The following NRXN1 variants were observed in gnomAD, a reference collection of about 807,000 sequenced individuals.
NRXN1 encodes neurexin-1.
Under a neutral mutation model 150.9 loss-of-function variants are expected in NRXN1, and 39 were observed. The observed-to-expected ratio is 0.26, with a 90% confidence interval of 0.20 to 0.34. The LOEUF is 0.34. NRXN1 is among the 10% of genes least tolerant of loss of function. The pLI is 1.00. For synonymous variants in NRXN1, 924 were observed against 757.0 expected (o/e 1.22, Z -3.62); for missense variants, 1,815 against 1,949.9 (o/e 0.93, Z 1.30).
chr2:50,939,358 G>T (rs769687283), intron 2 of NRXN1, among the ~76,000 whole-genome samples: 7 of 151,488 alleles, frequency 4.6e-5, no homozygotes, highest in Non-Finnish European at 8.8e-5. Flanking sequence ...TATTTAGTAA[G>T]TTAACAATGA....
At chr2:50,939,027 T>C (rs1033630368) in intron 2 of NRXN1, among the ~76,000 whole-genome samples, 4 of 151,894 alleles carry the variant, frequency 2.6e-5, no homozygotes, top group Admixed American at 2.0e-4. Flanking sequence ...CTGGTTAACA[T>C]GGTGAAACCC....
intron 5 of NRXN1, among the ~76,000 whole-genome samples, chr2:50,816,189 AG>A (rs1176688533): frequency 6.6e-6 from 1 of 152,206 alleles, no homozygotes; most frequent in Non-Finnish European, 1.5e-5. Context: ...AAGTCATATT[AG>A]AAAATATTAG....
chr2:50,184,980 T>A (rs1267544213), intron 18 of NRXN1, among the ~76,000 whole-genome samples: 1 of 152,064 alleles, frequency 6.6e-6, no homozygotes, highest in African/African-American at 2.4e-5. Flanking sequence ...GTAGGTGGCC[T>A]CCCCTCTTCA....
rs563953996 is a variant in NRXN1 at position 50,429,585 on chromosome 2, G to T, written c.3364+35857C>A. Among the ~76,000 whole-genome samples the T allele has an allele frequency of 4.6e-5, 7 of 152,120 alleles. No homozygotes were observed. In the South Asian group the frequency reaches 1.5e-3, roughly 32 times the overall value. On this transcript the variant is annotated intron_variant, in intron 17 of 22. Coordinates refer to ENST00000401669, the MANE Select transcript of NRXN1 (RefSeq NM_001330078.2). ...ATATTCTCAAAATTTTAATTTTGAA[G>T]AAAATAAAAATAGATCCAAGAGAAA...
intron 21 of NRXN1, among the ~76,000 whole-genome samples, chr2:49,947,284 G>A (rs1673076314): frequency 6.6e-6 from 1 of 151,998 alleles, no homozygotes; most frequent in African/African-American, 2.4e-5. Context: ...TCTTGTTAGA[G>A]GGAGGAGGAT....
At chr2:50,952,123 C>A (rs1001809727) in intron 2 of NRXN1, among the ~76,000 whole-genome samples, 5 of 150,932 alleles carry the variant, frequency 3.3e-5, no homozygotes, top group African/African-American at 1.2e-4. Flanking sequence ...CCTGCCACTA[C>A]GCCCAGCTAA....
chr2:50,874,278 C>A (rs1678230708), intron 5 of NRXN1, among the ~76,000 whole-genome samples: 1 of 151,888 alleles, frequency 6.6e-6, no homozygotes, highest in South Asian at 2.1e-4. Context: ...ACCGTTATCT[C>A]AGATAGTGTA....
At chr2:50,260,801 C>T (rs983023925) in intron 17 of NRXN1, among the ~76,000 whole-genome samples, 14 of 151,624 alleles carry the variant, frequency 9.2e-5, no homozygotes, top group African/African-American at 3.4e-4. Context: ...ATATTTGAAG[C>T]ACAGATTTCA....
intron 17 of NRXN1, among the ~76,000 whole-genome samples, chr2:50,341,198 C>A (rs2077524880): frequency 1.3e-5 from 2 of 152,024 alleles, no homozygotes; most frequent in South Asian, 2.1e-4. Context: ...TTATTTAGAT[C>A]TCTGTTGTCA....
In NRXN1 at chr2:50,783,523, T is replaced by C. The variant is rs112124693; in HGVS notation, c.832+138346A>G. The stretch of plus-strand genomic sequence containing the variant: ...TCAGGGTATTCTTTTTATTTTGTCC[T>C]GGACACTCTCATTCCCCAGATAAAT... On this transcript the variant is annotated intron_variant, in intron 5 of 22. Transcript: ENST00000401669. Among the ~76,000 whole-genome samples, 491 of 152,256 alleles carry C rather than the reference T, an allele frequency of 3.2e-3. 6 individuals carry two copies. Among genetic ancestry groups the C allele is most frequent in the African/African-American group, 0.011 (476 of 41,576 alleles).
intron 21 of NRXN1, among the ~76,000 whole-genome samples, chr2:49,993,817 C>G (rs1458122441): frequency 6.6e-6 from 1 of 152,176 alleles, no homozygotes; most frequent in East Asian, 1.9e-4. Flanking sequence ...GTTCTGAATT[C>G]TGTCCCAAAA....
intron 5 of NRXN1, among the ~76,000 whole-genome samples, chr2:50,920,624 C>A (rs1685884669): frequency 1.3e-5 from 2 of 151,624 alleles, no homozygotes; most frequent in Admixed American, 6.6e-5. Context: ...ATGAGAAATG[C>A]CCACTTAAGA....
chr2:50,599,557 T>C (rs1404468706), intron 8 of NRXN1, among the ~76,000 whole-genome samples: 1 of 152,144 alleles, frequency 6.6e-6, no homozygotes, highest in Non-Finnish European at 1.5e-5. Context: ...ACATAATGAG[T>C]ATTGCATGAA....
chr2:50,343,541 C>T (rs1299869049), intron 17 of NRXN1, among the ~76,000 whole-genome samples: 4 of 152,024 alleles, frequency 2.6e-5, no homozygotes, highest in South Asian at 4.1e-4. Flanking sequence ...ATAAAAGGAC[C>T]CTGCAGTGTT....
At chr2:50,626,653 A>G (rs538647189) in intron 5 of NRXN1, among the ~76,000 whole-genome samples, 9 of 152,060 alleles carry the variant, frequency 5.9e-5, no homozygotes, top group African/African-American at 2.2e-4. Flanking sequence ...TAGAGAGGCA[A>G]TCTGTGAAAA....
intron 5 of NRXN1, among the ~76,000 whole-genome samples, chr2:50,735,228 T>A (rs1574287998): frequency 2.6e-5 from 4 of 152,260 alleles, no homozygotes; most frequent in South Asian, 4.1e-4. Flanking sequence ...TTATAATTTT[T>A]TTTTAATTTC....
intron 15 of NRXN1, 45 bp from the exon 16 acceptor site, chr2:50,472,516 G>T (rs1573121983): frequency 1.3e-6 from 2 of 1,508,488 alleles, no homozygotes; most frequent in East Asian, 2.3e-5. Context: ...CCATGTCATT[G>T]ACTTTAAACA....
intron 17 of NRXN1, among the ~76,000 whole-genome samples, chr2:50,432,501 C>T (rs954319118): frequency 6.6e-6 from 1 of 152,196 alleles, no homozygotes; most frequent in African/African-American, 2.4e-5. Flanking sequence ...AACTTCTATA[C>T]TTCTTTCCTG....
At chr2:50,308,520 T>C (rs1485179567) in intron 17 of NRXN1, among the ~76,000 whole-genome samples, 2 of 152,014 alleles carry the variant, frequency 1.3e-5, no homozygotes, top group Admixed American at 1.3e-4. Flanking sequence ...TAATTTTTTA[T>C]TTTTTTCCAG....
Sources: gnomAD v4.1 joint callset for allele counts (sites outside exome capture counted in the v4.1 genomes callset) on GRCh38, gnomAD v4.1.1 for gene constraint, MANE v1.5 for transcripts, NCBI Gene and HGNC (gene_info 2026-07-23, HGNC 2026-07-21) for gene names.